Variants in MKLN1 observed in about 807,000 individuals in gnomAD.
MKLN1 encodes muskelin.
Under a neutral mutation model 99.0 loss-of-function variants are expected in MKLN1, and 18 were observed. That is an observed-to-expected ratio of 0.18 (90% CI 0.13 to 0.27). The LOEUF (loss-of-function observed/expected upper bound fraction) is 0.27, where lower values mean the gene tolerates loss of function less well. MKLN1 is among the 10% of genes least tolerant of loss of function. The pLI is 1.00. For missense variants in MKLN1, 621 were observed against 875.9 expected (o/e 0.71, Z 3.67); for synonymous variants, 288 against 293.2 (o/e 0.98, Z 0.18).
chr7:131,478,975 T>C, intron 17 of MKLN1: 1 of 395,234 alleles, frequency 2.5e-6, no homozygotes, highest in Non-Finnish European at 4.6e-6. Context: ...GAATGCAGGC[T>C]GTTTTACTGA....
intron 3 of MKLN1, among the ~76,000 whole-genome samples, 156 bp downstream of exon 3, chr7:131,387,418 A>G (rs544835608): frequency 6.6e-6 from 1 of 152,242 alleles, no homozygotes; most frequent in East Asian, 1.9e-4. Context: ...CTGTGGCTTG[A>G]GTTAGCTTTC....
In MKLN1 at chr7:131,214,717, T is replaced by C. The variant is rs76147307; in HGVS notation, c.-179+11743T>C. Among the ~76,000 whole-genome samples the C allele has an allele frequency of 1.4e-3, 206 of 152,340 alleles. 1 individual carries two copies. In the East Asian group the frequency reaches 0.035, roughly 26 times the overall value. On this transcript the variant is annotated intron_variant, in intron 3 of 7. Coordinates refer to the MKLN1 transcript ENST00000416992. Reference sequence around the variant, plus strand: ...ATTTTTGACCCTTTCGTTTTCTACATGGACTTTGTAATCACTGTACCATGT... The same window carrying C: ...ATTTTTGACCCTTTCGTTTTCTACACGGACTTTGTAATCACTGTACCATGT...
At chr7:131,112,280 A>G (rs1021483759) in intron 1 of MKLN1, among the ~76,000 whole-genome samples, 1 of 152,234 alleles carries the variant, frequency 6.6e-6, no homozygotes. Context: ...CCTCCCATTT[A>G]CAAACTTCTG....
upstream of MKLN1, among the ~76,000 whole-genome samples, chr7:131,323,005 G>C (rs566815697): frequency 6.6e-6 from 1 of 152,182 alleles, no homozygotes; most frequent in African/African-American, 2.4e-5. Flanking sequence ...ATTACAATTC[G>C]AGATGACATT....
At chr7:131,216,422 CAA>C (rs34071524) in intron 3 of MKLN1, among the ~76,000 whole-genome samples, 112 of 116,378 alleles carry the variant, frequency 9.6e-4, no homozygotes, top group East Asian at 1.3e-3. Context: ...GTCTCTGACT[CAA>C]AAAAAAAAAA....
At chr7:131,451,383 A>G (rs1029810177) in intron 12 of MKLN1, among the ~76,000 whole-genome samples, 1 of 151,902 alleles carries the variant, frequency 6.6e-6, no homozygotes, top group Non-Finnish European at 1.5e-5. Context: ...GTGAGTATCA[A>G]ATGGGATTGT....
intron 3 of MKLN1, among the ~76,000 whole-genome samples, chr7:131,255,575 T>C (rs1797645801): frequency 6.6e-6 from 1 of 152,098 alleles, no homozygotes; most frequent in Admixed American, 6.6e-5. Flanking sequence ...CTATCATCTA[T>C]CTATCTCTCT....
At chr7:131,223,444 A>G (rs897355135) in intron 3 of MKLN1, among the ~76,000 whole-genome samples, 1 of 152,204 alleles carries the variant, frequency 6.6e-6, no homozygotes, top group Non-Finnish European at 1.5e-5. Flanking sequence ...AAACTGGGTT[A>G]GCAGAGAAGA....
intron 2 of MKLN1, among the ~76,000 whole-genome samples, chr7:131,201,697 A>G (rs978039952): frequency 2.6e-5 from 4 of 152,216 alleles, no homozygotes; most frequent in Non-Finnish European, 4.4e-5. Flanking sequence ...TGATTCAGAC[A>G]CAACACTAAT....
intron 3 of MKLN1, among the ~76,000 whole-genome samples, chr7:131,213,610 G>T (rs907932575): frequency 6.6e-6 from 1 of 152,156 alleles, no homozygotes; most frequent in Non-Finnish European, 1.5e-5. Context: ...TTCCCTTGGT[G>T]GGGAAAATCA....
chr7:131,424,666 C>T (rs962656102), intron 8 of MKLN1, among the ~76,000 whole-genome samples: 7 of 152,118 alleles, frequency 4.6e-5, no homozygotes, highest in African/African-American at 1.7e-4. Flanking sequence ...GGTACATGTA[C>T]TATACCAAAG....
At chr7:131,456,046 C>A (rs59804986) in intron 12 of MKLN1, among the ~76,000 whole-genome samples, 1,113 of 18,030 alleles carry the variant, frequency 0.062, 9 homozygotes, top group African/African-American at 0.16. Flanking sequence ...ACTCTGTCTC[C>A]AAACCAAAAA....
intron 2 of MKLN1, among the ~76,000 whole-genome samples, chr7:131,178,279 CTTTTTTTTTTTTTTT>C (rs35412933): frequency 1.4e-5 from 1 of 72,558 alleles, no homozygotes; most frequent in African/African-American, 4.8e-5. Context: ...ACATGCCCGG[CTTTTTTTTTTTTTTT>C]TTTTTTTTTT....
intron 3 of MKLN1, among the ~76,000 whole-genome samples, chr7:131,205,691 G>A (rs948409988): frequency 5.3e-5 from 8 of 152,132 alleles, no homozygotes; most frequent in African/African-American, 1.9e-4. Context: ...GAGGAACTGA[G>A]TTCCTTGTGG....
chr7:131,179,770 T>G (rs1347757064), intron 2 of MKLN1, among the ~76,000 whole-genome samples: 1 of 152,086 alleles, frequency 6.6e-6, no homozygotes, highest in Non-Finnish European at 1.5e-5. Flanking sequence ...GAGAAGGGGT[T>G]TCACCGTGTT....
rs190287820 is a variant in MKLN1 at position 131,332,782 on chromosome 7, G to C, written c.98+4785G>C. ...TGTATTTTTTTTCTTTTTTTTTAAA[G>C]GGACAGGGTCTTGCTCTGTCACCCA... On this transcript the variant is annotated intron_variant, in intron 1 of 17. Coordinates refer to ENST00000352689, the MANE Select transcript of MKLN1 (RefSeq NM_013255.5). 6.6e-4 allele frequency among the ~76,000 whole-genome samples: 100 copies of C among 151,302 alleles called. 1 individual carries two copies. The highest frequency in any genetic ancestry group is 2.2e-3 in the Admixed American group (33 of 15,196).
intron 1 of MKLN1, among the ~76,000 whole-genome samples, chr7:131,142,606 G>A (rs1021733378): frequency 6.6e-6 from 1 of 151,328 alleles, no homozygotes; most frequent in Non-Finnish European, 1.5e-5. Flanking sequence ...GTGTAGGCGG[G>A]CGCCTGTAGT....
chr7:131,212,772 A>G (rs1796924521), intron 3 of MKLN1, among the ~76,000 whole-genome samples: 1 of 151,876 alleles, frequency 6.6e-6, no homozygotes, highest in African/African-American at 2.4e-5. Flanking sequence ...AAAAATACAA[A>G]ATTAGCCGGG....
At chr7:131,191,396 T>G (rs1796539167) in intron 2 of MKLN1, among the ~76,000 whole-genome samples, 1 of 152,202 alleles carries the variant, frequency 6.6e-6, no homozygotes, top group South Asian at 2.1e-4. Flanking sequence ...TGAGTGATTC[T>G]CCAGTGTTGT....
Sources: allele counts gnomAD v4.1 joint callset (sites outside exome capture counted in the v4.1 genomes callset), GRCh38; gene constraint gnomAD v4.1.1; transcripts MANE v1.5; gene names NCBI Gene and HGNC (gene_info 2026-07-23, HGNC 2026-07-21).